The following NEO1 variants were observed in gnomAD, a reference collection of about 807,000 sequenced individuals.
NEO1 encodes neogenin 1, also known as neogenin.
In NEO1, 63 loss-of-function variants were observed where a neutral mutation model predicts 159.7. That is an observed-to-expected ratio of 0.39 (90% CI 0.32 to 0.49). NEO1 has a LOEUF of 0.49. NEO1 is among the 20% of genes least tolerant of loss of function. The pLI is 0.85. For missense variants in NEO1, 1,615 were observed against 1,831.0 expected (o/e 0.88, Z 2.15); for synonymous variants, 633 against 662.0 (o/e 0.96, Z 0.67).
At chr15:73,123,374 G>A (rs1429868694) in intron 3 of NEO1, among the ~76,000 whole-genome samples, 1 of 152,144 alleles carries the variant, frequency 6.6e-6, no homozygotes, top group African/African-American at 2.4e-5. Context: ...CTTTTGTCAA[G>A]CCTTCTCTCC....
intron 1 of NEO1, among the ~76,000 whole-genome samples, chr15:73,054,103 T>G (rs2067590826): frequency 6.6e-6 from 1 of 152,228 alleles, no homozygotes; most frequent in Non-Finnish European, 1.5e-5. Flanking sequence ...ATACATTCAG[T>G]CCGTATATGG....
At chr15:73,281,354 G>A (rs898650007) in intron 22 of NEO1, among the ~76,000 whole-genome samples, 4 of 151,158 alleles carry the variant, frequency 2.6e-5, no homozygotes, top group Admixed American at 6.6e-5. Flanking sequence ...TCCCAGGTTC[G>A]CGCCATTCTG....
chr15:73,288,444 C>A lies in NEO1; in HGVS notation c.3542C>A (p.Pro1181Gln). The stretch of plus-strand genomic sequence containing the variant: ...AAACCCATTGATAAGTCTCCAGACC[C>A]AAACCCCATCATGACTGATACTCCA... ...ELKPIDKSPD[P>Q]NPIMTDTPIP... The change falls in exon 24 of 29, where the codon CCA becomes CAA. Residue 1181 changes from proline (P) to glutamine (Q), a missense_variant. Pro to Gln is a moderately conservative substitution (Grantham distance 76, BLOSUM62 -1). Around this residue, in one of 3 missense-constraint regions of NEO1, gnomAD observed 471 missense variants for 498.9 expected, o/e 0.94. Transcript: ENST00000261908. 1 of 1,614,098 alleles carries A rather than the reference C, an allele frequency of 6.2e-7. No individual in the cohort carries two copies. The highest frequency in any genetic ancestry group is 8.5e-7 in the Non-Finnish European group (1 of 1,180,008).
chr15:73,177,564 T>A (rs987047251), intron 6 of NEO1, among the ~76,000 whole-genome samples: 2 of 152,180 alleles, frequency 1.3e-5, no homozygotes, highest in East Asian at 3.8e-4. Context: ...TTTTGTTTTT[T>A]AAGACAGGGT....
intron 16 of NEO1, among the ~76,000 whole-genome samples, chr15:73,269,713 C>A (rs2041081782): frequency 6.6e-6 from 1 of 152,148 alleles, no homozygotes; most frequent in Non-Finnish European, 1.5e-5. Context: ...TAAGAAAATT[C>A]AAGCACGAAT....
At chr15:73,236,324 C>G (rs1174883686) in intron 7 of NEO1, 23 bp from the exon 8 acceptor site, 2 of 1,614,138 alleles carry the variant, frequency 1.2e-6, no homozygotes, top group Non-Finnish European at 1.7e-6. Context: ...CTTCACTGAC[C>G]AGTGCCACTA....
chr15:73,298,269 C>T (rs1470360630), intron 26 of NEO1, 79 bp from the exon 27 acceptor site: 1 of 1,572,782 alleles, frequency 6.4e-7, no homozygotes, highest in Non-Finnish European at 8.6e-7. Flanking sequence ...TTAGGGAACC[C>T]CTAGAAGTAG....
At chr15:73,113,233 A>G (rs2071104849) in intron 1 of NEO1, among the ~76,000 whole-genome samples, 1 of 152,106 alleles carries the variant, frequency 6.6e-6, no homozygotes, top group African/African-American at 2.4e-5. Context: ...GAATTTACAA[A>G]AACTGTTTGT....
At chr15:73,079,551 A>T (rs1273359751) in intron 1 of NEO1, among the ~76,000 whole-genome samples, 1 of 152,154 alleles carries the variant, frequency 6.6e-6, no homozygotes, top group Non-Finnish European at 1.5e-5. Context: ...AAATATTTTT[A>T]TTTTAAATAA....
At chr15:73,114,795 G>A (rs2071209333) in intron 1 of NEO1, among the ~76,000 whole-genome samples, 1 of 151,934 alleles carries the variant, frequency 6.6e-6, no homozygotes, top group Admixed American at 6.6e-5. Context: ...TTAAGTTTGG[G>A]GGGTATAATA....
Position 73,236,444 on chromosome 15 carries a change from A to G in NEO1, c.1389A>G (p.Ala463=), listed in dbSNP as rs1220472832. Residue 463 remains alanine (A), a synonymous_variant, in exon 8 of 29, where the codon GCA becomes GCG. Transcript: ENST00000261908. ...RFIKLTWRTP[A]SDPHGDNLTY... ...TCAAATTGACGTGGCGGACACCTGC[A>G]TCAGATCCTCACGGAGACAACCTTA... The G allele has an allele frequency of 1.9e-6, 3 of 1,614,154 alleles. No individual in the cohort carries two copies. The highest frequency in any genetic ancestry group is 2.2e-5 in the South Asian group (2 of 91,078).
At chr15:73,165,980 CT>C (rs890750578) in intron 5 of NEO1, among the ~76,000 whole-genome samples, 1 of 152,128 alleles carries the variant, frequency 6.6e-6, no homozygotes, top group Admixed American at 6.6e-5. Flanking sequence ...CCTGTGTAGC[CT>C]TTCTTATCTG....
chr15:73,189,289 C>G (rs1370085134), intron 7 of NEO1, among the ~76,000 whole-genome samples: 1 of 152,184 alleles, frequency 6.6e-6, no homozygotes, highest in African/African-American at 2.4e-5. Flanking sequence ...GTACTGTAGT[C>G]ACCTCTGTAA....
At chr15:73,183,912 A>G (rs2035766929) in intron 7 of NEO1, among the ~76,000 whole-genome samples, 1 of 152,164 alleles carries the variant, frequency 6.6e-6, no homozygotes, top group East Asian at 1.9e-4. Context: ...ACTCTTTCAC[A>G]CTAATGACAT....
At chr15:73,082,199 T>C (rs2069100450) in intron 1 of NEO1, among the ~76,000 whole-genome samples, 1 of 152,192 alleles carries the variant, frequency 6.6e-6, no homozygotes. Flanking sequence ...AATTTAATAA[T>C]GGATTCTTGC....
chr15:73,274,826 C>A, intron 21 of NEO1, 102 bp downstream of exon 21: 1 of 1,144,460 alleles, frequency 8.7e-7, no homozygotes, highest in African/African-American at 1.6e-5. Flanking sequence ...GAAAAATCAG[C>A]ACCATGTGTT....
Position 73,126,585 on chromosome 15 carries a change from C to T in NEO1, c.878+15C>T. 6.2e-7 allele frequency: 1 copy of T among 1,606,048 alleles called. No homozygotes were observed. The highest frequency in any genetic ancestry group is 8.5e-7 in the Non-Finnish European group (1 of 1,177,022). On this transcript the variant is annotated intron_variant, in intron 4 of 28. Transcript: ENST00000261908. ...GACACAGAAAGGTAAGTGTTGTCTG[C>T]CTAAAAGCCTTCTTCAGCCTTAGCT...
chr15:73,089,417 G>A (rs1263656499), intron 1 of NEO1, among the ~76,000 whole-genome samples: 1 of 151,830 alleles, frequency 6.6e-6, no homozygotes, highest in Non-Finnish European at 1.5e-5. Context: ...AAAATGTTTT[G>A]ACATATGATA....
intron 5 of NEO1, among the ~76,000 whole-genome samples, chr15:73,137,574 G>A (rs2151755734): frequency 6.6e-6 from 1 of 152,268 alleles, no homozygotes; most frequent in Middle Eastern, 3.4e-3. Context: ...TCTGCTCCCT[G>A]CAGCCTCGAC....
Sources: gnomAD v4.1 joint callset for allele counts (sites outside exome capture counted in the v4.1 genomes callset) on GRCh38, gnomAD v4.1.1 for gene constraint, gnomAD v4.1.1 regional missense constraint, MANE v1.5 for transcripts, NCBI Gene and HGNC (gene_info 2026-07-23, HGNC 2026-07-21) for gene names.